OTUD7B: variants seen among roughly 807,000 people sequenced by gnomAD.
The protein encoded by OTUD7B is OTU domain-containing protein 7B.
A neutral mutation model predicts 82.2 loss-of-function variants in OTUD7B; 34 were observed. The ratio of observed to expected loss-of-function variants is 0.41; its 90% CI spans 0.31 to 0.55. The LOEUF (loss-of-function observed/expected upper bound fraction) is 0.55, where lower values mean the gene tolerates loss of function less well. Ranked by LOEUF, OTUD7B falls within the 20% of genes least tolerant of loss-of-function variation. The pLI is 0.20. For missense variants in OTUD7B, 944 were observed against 1,062.1 expected, an observed-to-expected ratio of 0.89 and a Z score of 1.55; for synonymous variants, 398 against 402.7, an observed-to-expected ratio of 0.99 and a Z score of 0.14.
rs1553771423 is a variant in OTUD7B at position 149,944,415 on chromosome 1, C to G, written c.1974G>C (p.Gly658=). 2 of 1,614,108 alleles carry G rather than the reference C, an allele frequency of 1.2e-6. No homozygotes were observed. The highest frequency in any genetic ancestry group is 1.7e-6 in the Non-Finnish European group (2 of 1,180,010). ...GCTTTTTGGCTGGAGGAGGGCCACC[C>G]CCTATTCCTCCATTCATGATCTTCC... ...AERKIMNGGI[G]GGPPPAKKPE... is the part of the protein sequence containing the mutation. The change falls in exon 12 of 12, where the codon GGG becomes GGC. Residue 658 remains glycine (G), a synonymous_variant. Transcript: ENST00000581312.
At chr1:150,019,631 T>A in the OTUD7B span, among the ~76,000 whole-genome samples, 1 of 151,736 alleles carries the variant, frequency 6.6e-6, no homozygotes, top group Non-Finnish European at 1.5e-5. Flanking sequence ...AGTGTTGGGA[T>A]TACAGGTGTG....
chr1:150,007,038 T>A (rs1477757038), intron 1 of OTUD7B, among the ~76,000 whole-genome samples: 1 of 152,172 alleles, frequency 6.6e-6, no homozygotes, highest in African/African-American at 2.4e-5. Context: ...CTGAGTCCCC[T>A]CCACCCTCTT....
chr1:150,014,788 AAG>A (rs1316907964), upstream of OTUD7B, among the ~76,000 whole-genome samples: 3 of 152,190 alleles, frequency 2.0e-5, no homozygotes, highest in African/African-American at 7.2e-5. Context: ...GAGGGAGGTG[AAG>A]ATCAAATAGG....
the OTUD7B span, chr1:150,066,831 T>C: frequency 6.6e-6 from 1 of 152,226 alleles, no homozygotes; most frequent in Non-Finnish European, 1.5e-5. The surrounding 1 kb of genome is among the most constrained non-coding windows in gnomAD (Gnocchi z 4.6). Flanking sequence ...TAAAGACAAA[T>C]GCAGACATTT....
chr1:150,067,642 C>T, the OTUD7B span: 1 of 541,422 alleles, frequency 1.8e-6, no homozygotes, highest in Non-Finnish European at 3.3e-6. Context: ...TGGCAGCGGC[C>T]CAGGCCGTCT....
At chr1:150,005,445 T>C (rs1652596993) in intron 1 of OTUD7B, among the ~76,000 whole-genome samples, 1 of 152,200 alleles carries the variant, frequency 6.6e-6, no homozygotes. Context: ...TTCCTGACTT[T>C]TCCACCTGAT....
At chr1:149,974,973 C>T (rs1045544936) in intron 2 of OTUD7B, among the ~76,000 whole-genome samples, 2 of 151,956 alleles carry the variant, frequency 1.3e-5, no homozygotes, top group Non-Finnish European at 2.9e-5. Flanking sequence ...GCTGGGATTA[C>T]AGTGAATGCC....
chr1:150,047,487 A>G, the OTUD7B span, among the ~76,000 whole-genome samples: 20 of 152,258 alleles, frequency 1.3e-4, no homozygotes, highest in Non-Finnish European at 2.8e-4. Context: ...AAGAGAGATT[A>G]GGGATTTTTG....
chr1:150,007,152 C>T (rs1422179548), intron 1 of OTUD7B, among the ~76,000 whole-genome samples: 5 of 152,180 alleles, frequency 3.3e-5, no homozygotes, highest in African/African-American at 1.2e-4. Flanking sequence ...GCACACTGTA[C>T]ATTCTATACT....
At chr1:150,035,369 T>C in the OTUD7B span, among the ~76,000 whole-genome samples, 5 of 152,154 alleles carry the variant, frequency 3.3e-5, no homozygotes, top group African/African-American at 9.7e-5. Flanking sequence ...AAAGGCAGCC[T>C]GAGTCCGGGA....
intron 7 of OTUD7B, among the ~76,000 whole-genome samples, chr1:149,958,938 C>G (rs1648929635): frequency 6.6e-6 from 1 of 150,818 alleles, no homozygotes; most frequent in Non-Finnish European, 1.5e-5. Context: ...TGTGGTCTCA[C>G]TGGCCAGGCA....
intron 1 of OTUD7B, among the ~76,000 whole-genome samples, chr1:149,979,010 T>C (rs1307193984): frequency 3.2e-5 from 1 of 31,360 alleles, no homozygotes; most frequent in East Asian, 8.5e-4. Flanking sequence ...TTGCTAACAC[T>C]GGATTTTTTT....
intron 1 of OTUD7B, among the ~76,000 whole-genome samples, chr1:149,991,631 A>C (rs955937121): frequency 6.6e-6 from 1 of 152,176 alleles, no homozygotes; most frequent in African/African-American, 2.4e-5. Context: ...AGATGACAAC[A>C]CACAGAACCA....
chr1:149,981,355 C>G (rs1032452597), intron 1 of OTUD7B, among the ~76,000 whole-genome samples: 1 of 152,102 alleles, frequency 6.6e-6, no homozygotes, highest in African/African-American at 2.4e-5. Flanking sequence ...TGACAGGGAC[C>G]TCATTACTTT....
chr1:150,052,785 C>A, the OTUD7B span, among the ~76,000 whole-genome samples: 1 of 148,766 alleles, frequency 6.7e-6, no homozygotes, highest in Non-Finnish European at 1.5e-5. Flanking sequence ...CAGCATGGTA[C>A]TGGTAAAACA....
intron 1 of OTUD7B, among the ~76,000 whole-genome samples, chr1:150,003,791 G>A (rs893295906): frequency 6.6e-6 from 1 of 152,096 alleles, no homozygotes; most frequent in Admixed American, 6.5e-5. Context: ...TCCTCAGAGA[G>A]CTTATTAATT....
the OTUD7B span, among the ~76,000 whole-genome samples, chr1:150,059,053 CT>C: frequency 0.021 from 2,687 of 125,424 alleles, 33 homozygotes; most frequent in African/African-American, 0.075. Flanking sequence ...ACTTTCTTTT[CT>C]TTTTTTTTTT....
intron 1 of OTUD7B, among the ~76,000 whole-genome samples, chr1:150,006,257 A>C (rs1652658882): frequency 6.6e-6 from 1 of 152,140 alleles, no homozygotes; most frequent in Non-Finnish European, 1.5e-5. Flanking sequence ...GGAGATCAAG[A>C]CCATCCTGGC....
At chr1:150,050,058 T>TA in the OTUD7B span, among the ~76,000 whole-genome samples, 1 of 151,938 alleles carries the variant, frequency 6.6e-6, no homozygotes, top group Non-Finnish European at 1.5e-5. Flanking sequence ...ACAAAACTTT[T>TA]AAAAAAATTC....
Sources: allele counts gnomAD v4.1 joint callset (sites outside exome capture counted in the v4.1 genomes callset), GRCh38; gene constraint gnomAD v4.1.1; non-coding constraint Gnocchi (gnomAD v3.1); transcripts MANE v1.5; gene names NCBI Gene and HGNC (gene_info 2026-07-23, HGNC 2026-07-21).